TYSND1: variants seen among roughly 807,000 people sequenced by gnomAD.
TYSND1 encodes trypsin like peroxisomal matrix peptidase 1.
In TYSND1, 30 loss-of-function variants were observed where a neutral mutation model predicts 37.2. The observed-to-expected ratio is 0.81, with a 90% CI of 0.60 to 1.09. TYSND1 has a LOEUF of 1.09. TYSND1 is among the 50% of genes least tolerant of loss of function. The pLI is 0.00. For missense variants in TYSND1, 806 were observed against 817.4 expected (o/e 0.99, Z 0.17); for synonymous variants, 364 against 383.8 (o/e 0.95, Z 0.60).
Position 70,146,339 on chromosome 10 carries a change from A to T in TYSND1, c.248T>A (p.Leu83Gln). ...GGCCGTTGGGGCCCACTGCACGTGC[A>T]GGCGCAGGTCGTCCCTGCAACTGTC... ...PGDSCRDDLR[L>Q]HVQWAPTAAG... Residue 83 changes from leucine (L) to glutamine (Q), a missense_variant, in exon 1 of 4, where the codon CTG (leucine) becomes CAG (glutamine). This residue lies in a region of TYSND1 where 708 missense variants were observed against 705.4 expected (regional missense o/e 1.00). Coordinates refer to ENST00000287078, the MANE Select transcript of TYSND1 (RefSeq NM_173555.4). 5 of 1,533,768 alleles carry T rather than the reference A, an allele frequency of 3.3e-6. No individual in the cohort carries two copies. The highest frequency in any genetic ancestry group is 2.5e-5 in the East Asian group (1 of 40,506).
chr10:70,145,628 A>G lies in TYSND1; in HGVS notation c.959T>C (p.Leu320Pro). The G allele has an allele frequency of 7.0e-7, 1 of 1,425,056 alleles. No homozygotes were observed. The highest frequency in any genetic ancestry group is 1.5e-5 in the African/African-American group (1 of 66,684). The allele number at this position is 1,425,056 out of a possible 1,614,324, so 88.3% of individuals were successfully genotyped here. ...LHRLPHSTAA[L>P]AALLPPEVGV... Reference sequence around the variant, plus strand: ...CACCTCTGGCGGCAGAAGGGCGGCCAGGGCAGCGGTGCTGTGCGGCAGGCG... The same window carrying G: ...CACCTCTGGCGGCAGAAGGGCGGCCGGGGCAGCGGTGCTGTGCGGCAGGCG... Residue 320 changes from leucine to proline, a missense_variant, in exon 1 of 4, where the codon CTG becomes CCG. Physicochemically the swap from Leu to Pro is moderately conservative, Grantham distance 98. This residue lies in a region of TYSND1 where 708 missense variants were observed against 705.4 expected (regional missense o/e 1.00). Transcript: ENST00000287078.
Position 70,146,647 on chromosome 10 carries a change from C to A in TYSND1, c.-61G>T. ...AAACAGCAAGCTAGCGAGCGAGGACCCCTACCCGGTCCGGCTGAAGCTGCC... is the reference window on the plus strand; with the variant it reads ...AAACAGCAAGCTAGCGAGCGAGGACACCTACCCGGTCCGGCTGAAGCTGCC... On this transcript the variant is annotated 5_prime_UTR_variant, in exon 1 of 4. Transcript: ENST00000287078. The A allele has an allele frequency of 7.1e-7, 1 of 1,416,906 alleles. No individual in the cohort carries two copies. The highest frequency in any genetic ancestry group is 9.2e-7 in the Non-Finnish European group (1 of 1,087,122). The allele number at this position is 1,416,906 out of a possible 1,614,324, so 87.8% of individuals were successfully genotyped here. A position where few individuals can be genotyped will look rare whatever the true frequency, so the allele number is the denominator to read the frequency against.
chr10:70,145,383 T>G (rs779308906), intron 1 of TYSND1, 38 bp downstream of exon 1: 24 of 1,369,278 alleles, frequency 1.8e-5, no homozygotes, highest in East Asian at 3.0e-5. Context: ...ATCTGAGACC[T>G]GGAAAGGGAT....
chr10:70,144,895 C>A (rs998189611), intron 1 of TYSND1: 4 of 518,690 alleles, frequency 7.7e-6, no homozygotes, highest in African/African-American at 6.2e-5. Flanking sequence ...GTGGGCCACC[C>A]CCCTACCTTC....
chr10:70,142,559 C>T (rs2136688928), intron 3 of TYSND1, 109 bp downstream of exon 3: 1 of 1,079,566 alleles, frequency 9.3e-7, no homozygotes, highest in African/African-American at 1.6e-5. Flanking sequence ...TCATAATGCC[C>T]ACCATTTTCC....
chr10:70,145,087 ACCGAGGGGTATGGCGTGCAGGG>A (rs1030821950), intron 1 of TYSND1, among the ~76,000 whole-genome samples: 6 of 152,300 alleles, frequency 3.9e-5, no homozygotes, highest in African/African-American at 1.4e-4. Context: ...GGGCCAGAGA[ACCGAGGGGTATGGCGTGCAGGG>A]CTATCAGACA....
intron 3 of TYSND1, among the ~76,000 whole-genome samples, chr10:70,141,288 G>A (rs939989650): frequency 1.4e-5 from 2 of 146,686 alleles, no homozygotes; most frequent in Admixed American, 1.4e-4. Context: ...TTTGAGATGG[G>A]TCTCGCTCTG....
intron 1 of TYSND1, among the ~76,000 whole-genome samples, chr10:70,145,052 C>G (rs1200257004): frequency 6.6e-6 from 1 of 152,162 alleles, no homozygotes; most frequent in Non-Finnish European, 1.5e-5. Flanking sequence ...GGAGAAGCAG[C>G]AGGGTTAGGG....
intron 1 of TYSND1, among the ~76,000 whole-genome samples, chr10:70,145,112 A>T (rs1025744538): frequency 1.3e-5 from 2 of 152,180 alleles, no homozygotes; most frequent in South Asian, 2.1e-4. Flanking sequence ...GTGCAGGGCT[A>T]TCAGACAGTG....
Position 70,139,836 on chromosome 10 carries a change from G to T in TYSND1, c.*88C>A. ...CAGCCTGGGCCCCTGCAGGGGCTGG[G>T]CCCTGAATCCTGAGGCCACCGTCAC... is the stretch of plus-strand genomic sequence containing the variant. On this transcript the variant is annotated 3_prime_UTR_variant, in exon 4 of 4. Transcript: ENST00000287078. 1 of 1,349,968 alleles carries T rather than the reference G, an allele frequency of 7.4e-7. No homozygotes were observed. The allele number at this position is 1,349,968 out of a possible 1,614,324, so 83.6% of individuals were successfully genotyped here.
chr10:70,146,465 C>T lies in TYSND1; in HGVS notation c.122G>A (p.Arg41His). Residue 41 changes from arginine to histidine, a missense_variant, in exon 1 of 4, where the codon CGT becomes CAT. Arg to His is a conservative substitution (Grantham distance 29, BLOSUM62 0). Around this residue, in one of 3 missense-constraint regions of TYSND1, gnomAD observed 84 missense variants for 79.0 expected, o/e 1.06. Coordinates refer to ENST00000287078, the MANE Select transcript of TYSND1 (RefSeq NM_173555.4). The part of the protein sequence containing the change: ...PWSCSGVILS[R>H]SPGLVLCHGG... The stretch of plus-strand genomic sequence containing the variant: ...GTGGCAAAGCACCAGGCCCGGGCTA[C>T]GGCTCAGGATTACCCCGCTGCAGCT... 1.2e-6 allele frequency: 2 copies of T among 1,603,286 alleles called. No homozygotes were observed. The highest frequency in any genetic ancestry group is 2.7e-5 in the African/African-American group (2 of 74,964).
intron 1 of TYSND1, chr10:70,144,508 G>C (rs1328280599): frequency 1.1e-5 from 11 of 987,872 alleles, no homozygotes; most frequent in Non-Finnish European, 3.6e-6. Flanking sequence ...TGTAGCACAC[G>C]ACGTGACAGG....
rs1350761299 is a variant in TYSND1 at position 70,146,275 on chromosome 10, C to T, written c.312G>A (p.Gly104=). The T allele has an allele frequency of 1.4e-6, 2 of 1,469,006 alleles. No individual in the cohort carries two copies. Among genetic ancestry groups the T allele is most frequent in the Non-Finnish European group, 1.8e-6 (2 of 1,120,470 alleles). 91.0% of individuals were successfully genotyped at this position (1,469,006 alleles called of 1,614,324 possible). A position where few individuals can be genotyped will look rare whatever the true frequency, so the allele number is the denominator to read the frequency against. Residue 104 remains glycine, a synonymous_variant, in exon 1 of 4, where the codon GGG becomes GGA. Transcript: ENST00000287078. ...GGCTCGCGCACTGGGGCGTGCACAG[C>T]CCTGGGCGGCCCCGCTCCGCGCCGC... The part of the protein sequence containing the change: ...PGGGAERGRP[G]LCTPQCASLE...
Position 70,139,808 on chromosome 10 carries a change from A to C in TYSND1, c.*116T>G. The C allele has an allele frequency of 9.9e-7, 1 of 1,012,002 alleles. No homozygotes were observed. Among genetic ancestry groups the C allele is most frequent in the East Asian group, 2.5e-5 (1 of 40,024 alleles). The allele number at this position is 1,012,002 out of a possible 1,614,324, so 62.7% of individuals were successfully genotyped here. ...TCTGCAGTCAGTGGGTGGAGATGAGAGGCAGCCTGGGCCCCTGCAGGGGCT... is the reference window on the plus strand; with the variant it reads ...TCTGCAGTCAGTGGGTGGAGATGAGCGGCAGCCTGGGCCCCTGCAGGGGCT... On this transcript the variant is annotated 3_prime_UTR_variant, in exon 4 of 4. Coordinates refer to ENST00000287078, the MANE Select transcript of TYSND1 (RefSeq NM_173555.4).
At position 70,145,922 on chromosome 10, in the gene TYSND1, C is replaced by G. The variant is rs780066143; in HGVS notation, c.665G>C (p.Cys222Ser). ...GCAGAAGGCGCCGAAAGGGGAGCCGCAGACCAGCAATGGCGCACCCTTGGG... is the reference window on the plus strand; with the variant it reads ...GCAGAAGGCGCCGAAAGGGGAGCCGGAGACCAGCAATGGCGCACCCTTGGG... Reference protein sequence around the residue: ...AVPKGAPLLVCGSPFGAFCPD... With the variant: ...AVPKGAPLLVSGSPFGAFCPD... The change falls in exon 1 of 4, where the codon TGC (cysteine) becomes TCC (serine). Residue 222 changes from cysteine to serine, a missense_variant. This residue lies in a region of TYSND1 where 708 missense variants were observed against 705.4 expected (regional missense o/e 1.00). Coordinates refer to ENST00000287078, the MANE Select transcript of TYSND1 (RefSeq NM_173555.4). 33 of 1,551,426 alleles carry G rather than the reference C, an allele frequency of 2.1e-5. No individual in the cohort carries two copies. The highest frequency in any genetic ancestry group is 2.7e-5 in the Non-Finnish European group (31 of 1,148,262).
In TYSND1 at chr10:70,145,871, C is replaced by A; in HGVS notation, c.716G>T (p.Ser239Ile). The A allele has an allele frequency of 6.5e-7, 1 of 1,546,178 alleles. No individual in the cohort carries two copies. Among genetic ancestry groups the A allele is most frequent in the Non-Finnish European group, 8.7e-7 (1 of 1,145,310 alleles). Reference protein sequence around the residue: ...FCPDIFLNTLSCGVLSNVAGP... With the variant: ...FCPDIFLNTLICGVLSNVAGP... ...GGCCACGTTGCTGAGCACCCCGCAG[C>A]TCAGCGTGTTGAGAAAGATGTCGGG... is the stretch of plus-strand genomic sequence containing the variant. Residue 239 changes from serine to isoleucine, a missense_variant, in exon 1 of 4, where the codon AGC becomes ATC. This residue lies in a region of TYSND1 where 708 missense variants were observed against 705.4 expected (regional missense o/e 1.00). Transcript: ENST00000287078.
At chr10:70,144,363 TG>T in intron 1 of TYSND1, 1 of 713,630 alleles carries the variant, frequency 1.4e-6, no homozygotes, top group Non-Finnish European at 1.7e-6. Context: ...CCAAACAAAG[TG>T]GGAGGAGCCA....
Position 70,145,884 on chromosome 10 carries a change from G to A in TYSND1, c.703C>T (p.Leu235Phe). ...AGCACCCCGCAGCTCAGCGTGTTGA[G>A]AAAGATGTCGGGGCAGAAGGCGCCG... The part of the protein sequence containing the change: ...PFGAFCPDIF[L>F]NTLSCGVLSN... Residue 235 changes from leucine to phenylalanine, a missense_variant, in exon 1 of 4, where the codon CTC becomes TTC. Physicochemically the swap from Leu to Phe is conservative, Grantham distance 22. Coordinates refer to ENST00000287078, the MANE Select transcript of TYSND1 (RefSeq NM_173555.4). The A allele has an allele frequency of 3.2e-6, 5 of 1,547,076 alleles. No homozygotes were observed. The highest frequency in any genetic ancestry group is 4.4e-6 in the Non-Finnish European group (5 of 1,145,654).
chr10:70,139,621 T>C lies in TYSND1; in HGVS notation c.*303A>G, dbSNP rs546264868. On this transcript the variant is annotated 3_prime_UTR_variant, in exon 4 of 4. Coordinates refer to ENST00000287078, the MANE Select transcript of TYSND1 (RefSeq NM_173555.4). ...GGAATCTACCTGTCAGGCCCAGAAC[T>C]TCTGTGCAGTTGGAGTGGGCTCCCC... 3.7e-4 allele frequency: 108 copies of C among 289,202 alleles called. 1 individual carries two copies. Among genetic ancestry groups the C allele is most frequent in the African/African-American group, 2.2e-3 (101 of 46,184 alleles). 17.9% of individuals were successfully genotyped at this position (289,202 alleles called of 1,614,324 possible). A position where few individuals can be genotyped will look rare whatever the true frequency, so the allele number is the denominator to read the frequency against.
Sources: gnomAD v4.1 joint callset for allele counts (sites outside exome capture counted in the v4.1 genomes callset) on GRCh38, gnomAD v4.1.1 for gene constraint, gnomAD v4.1.1 regional missense constraint, MANE v1.5 for transcripts, NCBI Gene and HGNC (gene_info 2026-07-23, HGNC 2026-07-21) for gene names.